FCN2: variants seen among roughly 807,000 people sequenced by gnomAD.
The protein encoded by FCN2 is ficolin-2.
In FCN2, 31 loss-of-function variants were observed where a neutral mutation model predicts 32.5. The observed-to-expected ratio is 0.96, with a 90% CI of 0.72 to 1.29. The LOEUF (loss-of-function observed/expected upper bound fraction) is 1.29, where lower values mean the gene tolerates loss of function less well. FCN2 is among the 50% of genes most tolerant of loss of function. The pLI is 0.00. For missense variants in FCN2, 412 were observed against 406.5 expected (o/e 1.01, Z -0.12); for synonymous variants, 181 against 164.5 (o/e 1.10, Z -0.77).
At chr9:134,885,124 G>A (rs1250808521) in intron 4 of FCN2, 115 bp from the exon 5 acceptor site, 22 of 1,430,478 alleles carry the variant, frequency 1.5e-5, no homozygotes, top group South Asian at 3.6e-5. Flanking sequence ...TCAGAGTCCC[G>A]CTCTGTTCAT....
chr9:134,883,818 C>A (rs1043817841), intron 3 of FCN2, among the ~76,000 whole-genome samples: 1 of 71,640 alleles, frequency 1.4e-5, no homozygotes, highest in Non-Finnish European at 2.6e-5. Context: ...TCTGATTATT[C>A]GGGGAGGGAC....
intron 3 of FCN2, among the ~76,000 whole-genome samples, chr9:134,883,566 G>A (rs1830698528): frequency 2.1e-5 from 3 of 145,920 alleles, no homozygotes; most frequent in African/African-American, 5.1e-5. Flanking sequence ...CTGGGGGAGT[G>A]GGGTTATCAG....
the FCN2 span, among the ~76,000 whole-genome samples, chr9:134,873,887 G>GTTTTGTTTTTTGTTTTTTTTGT: frequency 2.0e-4 from 1 of 4,920 alleles, no homozygotes; most frequent in African/African-American, 1.4e-3. Flanking sequence ...TTGTTTGTTT[G>GTTTTGTTTTTTGTTTTTTTTGT]TTTTGTTTTT....
At chr9:134,878,049 G>T (rs1034075909), upstream of FCN2, among the ~76,000 whole-genome samples, 1 of 152,086 alleles carries the variant, frequency 6.6e-6, no homozygotes, top group Non-Finnish European at 1.5e-5. Flanking sequence ...GATGGGCCTA[G>T]CCTCCCAGCC....
At chr9:134,881,372 A>T (rs1830661456) in intron 1 of FCN2, among the ~76,000 whole-genome samples, 1 of 152,134 alleles carries the variant, frequency 6.6e-6, no homozygotes, top group Admixed American at 6.5e-5. Context: ...GGACCTTTCC[A>T]TCCAGGACCT....
chr9:134,871,116 CCT>C, the FCN2 span, among the ~76,000 whole-genome samples: 2 of 152,156 alleles, frequency 1.3e-5, no homozygotes, highest in Non-Finnish European at 2.9e-5. Flanking sequence ...TACGAAAGCC[CCT>C]GAGTGGGCAG....
upstream of FCN2, among the ~76,000 whole-genome samples, chr9:134,875,918 A>C (rs1830600108): frequency 6.6e-6 from 1 of 152,224 alleles, no homozygotes; most frequent in Non-Finnish European, 1.5e-5. Flanking sequence ...TAAGCTGCTA[A>C]GATGTGGTAA....
At chr9:134,883,240 G>T in intron 2 of FCN2, 62 bp from the exon 3 acceptor site, 2 of 1,357,604 alleles carry the variant, frequency 1.5e-6, no homozygotes, top group Non-Finnish European at 2.1e-6. Context: ...CCAGCTCCAG[G>T]GTGGGCCCTT....
In FCN2 at chr9:134,886,502, A is replaced by T. The variant is rs747823132; in HGVS notation, c.632A>T (p.Lys211Met). The change falls in exon 7 of 8, where the codon AAG (lysine) becomes ATG (methionine). Residue 211 changes from lysine (K) to methionine (M), a missense_variant. Physicochemically the swap from Lys to Met is moderately conservative, Grantham distance 95. Transcript: ENST00000291744. ...NYQFAKYRSF[K>M]VADEAEKYNL... is the part of the protein sequence containing the mutation. Reference sequence around the variant, plus strand: ...CAGTTTGCTAAGTACAGATCATTCAAGGTGGCCGACGAGGCGGAGAAGTAC... The same window carrying T: ...CAGTTTGCTAAGTACAGATCATTCATGGTGGCCGACGAGGCGGAGAAGTAC... 44 of 1,614,040 alleles carry T rather than the reference A, an allele frequency of 2.7e-5. 1 individual carries two copies. In the South Asian group the frequency reaches 4.4e-4, roughly 16 times the overall value.
upstream of FCN2, among the ~76,000 whole-genome samples, chr9:134,879,672 G>C (rs927893648): frequency 9.2e-5 from 14 of 152,154 alleles, no homozygotes; most frequent in African/African-American, 3.4e-4. Flanking sequence ...GAACCCGAGG[G>C]GGGTCTTAAC....
At chr9:134,872,130 A>C in the FCN2 span, among the ~76,000 whole-genome samples, 2 of 152,044 alleles carry the variant, frequency 1.3e-5, no homozygotes, top group African/African-American at 4.8e-5. Context: ...GTTTCCTTTC[A>C]CTGTAGTCAT....
At chr9:134,876,896 G>A (rs572156145), upstream of FCN2, among the ~76,000 whole-genome samples, 1 of 152,056 alleles carries the variant, frequency 6.6e-6, no homozygotes, top group Non-Finnish European at 1.5e-5. Context: ...TATTTCTTGA[G>A]TGACTTTGGT....
At chr9:134,872,742 C>T in the FCN2 span, among the ~76,000 whole-genome samples, 8 of 152,156 alleles carry the variant, frequency 5.3e-5, no homozygotes, top group African/African-American at 1.9e-4. Flanking sequence ...ATTCAGTTAC[C>T]TCCTACCGGG....
the FCN2 span, among the ~76,000 whole-genome samples, chr9:134,867,687 A>T: frequency 6.6e-6 from 1 of 151,544 alleles, no homozygotes; most frequent in Non-Finnish European, 1.5e-5. Flanking sequence ...AAAGAAGTAA[A>T]CAACCTTGGT....
At chr9:134,879,281 C>CT (rs533459443), upstream of FCN2, among the ~76,000 whole-genome samples, 2 of 152,194 alleles carry the variant, frequency 1.3e-5, no homozygotes, top group Non-Finnish European at 2.9e-5. Flanking sequence ...ATTGCAAGTA[C>CT]TTTAAATAGC....
At chr9:134,868,140 C>T in the FCN2 span, 5 of 152,342 alleles carry the variant, frequency 3.3e-5, no homozygotes, top group East Asian at 5.8e-4. This position sits in a 1 kb window ranked among gnomAD's most constrained non-coding sequence, Gnocchi z 4.3. Flanking sequence ...CACCAGTGCC[C>T]GAGGGGTGAG....
At chr9:134,875,736 C>T in the FCN2 span, among the ~76,000 whole-genome samples, 3 of 152,170 alleles carry the variant, frequency 2.0e-5, no homozygotes, top group African/African-American at 7.2e-5. Context: ...GCAGTCTGCC[C>T]CTAAACTGAA....
Position 134,880,841 on chromosome 9 carries a change from T to C in FCN2, c.20T>C (p.Val7Ala). 1 of 1,613,548 alleles carries C rather than the reference T, an allele frequency of 6.2e-7. No individual in the cohort carries two copies. Among genetic ancestry groups the C allele is most frequent in the Non-Finnish European group, 8.5e-7 (1 of 1,179,838 alleles). The change falls in exon 1 of 8, where the codon GTG becomes GCG. Residue 7 changes from valine (V) to alanine (A), a missense_variant. Transcript: ENST00000291744. MELDRA[V>A]GVLGAATLLL... ...GAAGAGATGGAGCTGGACAGAGCTG[T>C]GGGGGTCCTGGGCGCTGCCACCCTG... is the stretch of plus-strand genomic sequence containing the variant.
At chr9:134,883,535 A>G (rs879865409) in intron 3 of FCN2, among the ~76,000 whole-genome samples, 180 bp downstream of exon 3, 2 of 129,994 alleles carry the variant, frequency 1.5e-5, no homozygotes, top group Non-Finnish European at 3.1e-5. Flanking sequence ...AGGGGTCTCA[A>G]TGTGTGTGTG....
Sources: allele counts gnomAD v4.1 joint callset (sites outside exome capture counted in the v4.1 genomes callset), GRCh38; gene constraint gnomAD v4.1.1; non-coding constraint Gnocchi (gnomAD v3.1); transcripts MANE v1.5; gene names NCBI Gene and HGNC (gene_info 2026-07-23, HGNC 2026-07-21).